Variants in RERG observed in about 807,000 individuals in gnomAD.
RERG encodes ras-related and estrogen-regulated growth inhibitor.
Under a neutral mutation model 23.2 loss-of-function variants are expected in RERG, and 25 were observed. That is an observed-to-expected ratio of 1.08 (90% confidence interval 0.79 to 1.50). The LOEUF is 1.50. Among genes scored for constraint, RERG ranks in the 40% most tolerant of loss-of-function variants. The pLI, the probability that RERG is intolerant of heterozygous loss-of-function variation, is 0.00. For missense variants in RERG, 253 were observed against 250.1 expected (o/e 1.01, Z -0.08); for synonymous variants, 81 against 89.1 (o/e 0.91, Z 0.51).
At chr12:15,175,567 C>T (rs1864839859) in intron 2 of RERG, among the ~76,000 whole-genome samples, 1 of 152,040 alleles carries the variant, frequency 6.6e-6, no homozygotes, top group Non-Finnish European at 1.5e-5. Flanking sequence ...CCAGGAATAT[C>T]TTAGAGCTCT....
intron 2 of RERG, among the ~76,000 whole-genome samples, chr12:15,197,459 G>A (rs1163117104): frequency 6.6e-6 from 1 of 152,144 alleles, no homozygotes; most frequent in African/African-American, 2.4e-5. Context: ...GAGCACATAT[G>A]AGTTCAGGTA....
intron 2 of RERG, among the ~76,000 whole-genome samples, chr12:15,157,225 A>G (rs1227975945): frequency 6.6e-6 from 1 of 152,252 alleles, no homozygotes; most frequent in Non-Finnish European, 1.5e-5. Context: ...TATTTTGCAT[A>G]TAAGACAGAT....
chr12:15,205,193 A>T (rs777049659), intron 2 of RERG, among the ~76,000 whole-genome samples: 1 of 152,008 alleles, frequency 6.6e-6, no homozygotes. Flanking sequence ...TCAGGAAAAC[A>T]CTATGGTCCC....
chr12:15,152,958 A>T (rs1374306776), intron 2 of RERG, among the ~76,000 whole-genome samples: 1 of 152,198 alleles, frequency 6.6e-6, no homozygotes, highest in Non-Finnish European at 1.5e-5. Flanking sequence ...TGTTAAATTA[A>T]TATGTGCAGA....
chr12:15,122,122 T>C (rs1863843550), intron 2 of RERG, among the ~76,000 whole-genome samples: 1 of 152,108 alleles, frequency 6.6e-6, no homozygotes, highest in Non-Finnish European at 1.5e-5. Flanking sequence ...ATACACACAT[T>C]TGGCATATAA....
At position 15,201,229 on chromosome 12, in the gene RERG, G is replaced by C. The variant is rs141263061; in HGVS notation, c.61+16200C>G. Among the ~76,000 whole-genome samples the C allele has an allele frequency of 6.3e-3, 956 of 151,932 alleles. 6 individuals are homozygous for C. The highest frequency in any genetic ancestry group is 8.6e-3 in the Non-Finnish European group (586 of 67,794). ...AAGTAACATGGAAGAGAGGACAAGG[G>C]AGGGAGAAGGGAAGAAAATATTTGT... On this transcript the variant is annotated intron_variant, in intron 2 of 4. Transcript: ENST00000256953.
intron 2 of RERG, among the ~76,000 whole-genome samples, chr12:15,135,131 A>T (rs1027353263): frequency 6.6e-6 from 1 of 152,186 alleles, no homozygotes; most frequent in African/African-American, 2.4e-5. Flanking sequence ...GGTCTTGCAC[A>T]TAGGTCTCGC....
chr12:15,113,754 TC>T (rs1863667195), intron 3 of RERG, among the ~76,000 whole-genome samples: 1 of 151,544 alleles, frequency 6.6e-6, no homozygotes, highest in Non-Finnish European at 1.5e-5. Flanking sequence ...CATAAGAAAA[TC>T]CTAGGAAAAT....
intron 2 of RERG, among the ~76,000 whole-genome samples, chr12:15,172,199 T>C (rs547981200): frequency 2.6e-5 from 4 of 152,292 alleles, no homozygotes; most frequent in East Asian, 3.9e-4. Context: ...GATTTTCTTA[T>C]GCTGGACATT....
At chr12:15,171,425 G>T (rs1352819931) in intron 2 of RERG, among the ~76,000 whole-genome samples, 1 of 152,194 alleles carries the variant, frequency 6.6e-6, no homozygotes, top group Non-Finnish European at 1.5e-5. Flanking sequence ...GTTCATGAAA[G>T]AACAGCAGAT....
intron 2 of RERG, among the ~76,000 whole-genome samples, chr12:15,173,466 G>A (rs574747757): frequency 3.9e-4 from 59 of 151,874 alleles, no homozygotes; most frequent in South Asian, 1.7e-3. Flanking sequence ...TTGCATTTCC[G>A]TATAAATTTT....
intron 2 of RERG, among the ~76,000 whole-genome samples, chr12:15,187,864 C>A (rs560752903): frequency 6.6e-6 from 1 of 151,908 alleles, no homozygotes; most frequent in Non-Finnish European, 1.5e-5. Context: ...TGGCTGAGAA[C>A]TTTTTCTTGA....
intron 1 of RERG, 191 bp from the exon 2 acceptor site, chr12:15,217,794 G>A: frequency 3.7e-6 from 1 of 268,984 alleles, no homozygotes. Context: ...TTCAGGACTT[G>A]GATTTGGATC....
intron 2 of RERG, among the ~76,000 whole-genome samples, chr12:15,184,728 G>A (rs1359021325): frequency 6.6e-6 from 1 of 152,174 alleles, no homozygotes; most frequent in African/African-American, 2.4e-5. Flanking sequence ...ATATTGCCAA[G>A]TCAGCTTGTG....
chr12:15,120,963 A>AC, intron 3 of RERG, 100 bp downstream of exon 3: 1 of 846,326 alleles, frequency 1.2e-6, no homozygotes, highest in South Asian at 1.5e-5. Context: ...CTTCCACATC[A>AC]GCTAAAAGGA....
intron 2 of RERG, among the ~76,000 whole-genome samples, chr12:15,215,814 G>A (rs1865433407): frequency 6.6e-6 from 1 of 152,192 alleles, no homozygotes; most frequent in South Asian, 2.1e-4. Context: ...GCTGATGCAT[G>A]AGCCTTGACA....
At chr12:15,204,595 G>GC (rs1437972281) in intron 2 of RERG, among the ~76,000 whole-genome samples, 3 of 151,612 alleles carry the variant, frequency 2.0e-5, no homozygotes, top group African/African-American at 7.3e-5. Flanking sequence ...AAGAGGAAAA[G>GC]CTTTTCCACT....
At chr12:15,147,067 C>CAAA (rs544852513) in intron 2 of RERG, among the ~76,000 whole-genome samples, 5 of 105,664 alleles carry the variant, frequency 4.7e-5, no homozygotes, top group African/African-American at 1.5e-4. Context: ...TCAGTGAAGC[C>CAAA]AAAAAAAAAA....
chr12:15,204,125 G>A (rs1284697504), intron 2 of RERG, among the ~76,000 whole-genome samples: 6 of 151,514 alleles, frequency 4.0e-5, no homozygotes, highest in Non-Finnish European at 8.9e-5. Flanking sequence ...ACAATTTCAA[G>A]TAAGAACAAA....
Sources: allele counts gnomAD v4.1 joint callset (sites outside exome capture counted in the v4.1 genomes callset), GRCh38; gene constraint gnomAD v4.1.1; transcripts MANE v1.5; gene names NCBI Gene and HGNC (gene_info 2026-07-23, HGNC 2026-07-21).